CCDC92: variants seen among roughly 807,000 people sequenced by gnomAD.
CCDC92 encodes the protein coiled-coil domain-containing protein 92.
CCDC92 carries 12 observed loss-of-function variants against 24.9 expected under a neutral mutation model. That is an observed-to-expected ratio of 0.48 (90% confidence interval 0.31 to 0.78). CCDC92 has a LOEUF of 0.78. Among genes scored for constraint, CCDC92 ranks in the 30% least tolerant of loss-of-function variants. The pLI, the probability that CCDC92 is intolerant of heterozygous loss-of-function variation, is 0.05. For synonymous variants in CCDC92, 193 were observed against 196.3 expected, an observed-to-expected ratio of 0.98 and a Z score of 0.14; for missense variants, 399 against 439.4, an observed-to-expected ratio of 0.91 and a Z score of 0.82.
At position 123,967,329 on chromosome 12, in the gene CCDC92, A is replaced by G. The variant is rs547683340; in HGVS notation, c.-60+5200T>C. 5.3e-5 allele frequency among the ~76,000 whole-genome samples: 8 copies of G among 152,336 alleles called. No individual in the cohort carries two copies. In the East Asian group the frequency reaches 5.8e-4, roughly 11 times the overall value. On this transcript the variant is annotated intron_variant, in intron 1 of 4. Coordinates refer to ENST00000238156, the MANE Select transcript of CCDC92 (RefSeq NM_025140.3). ...CCTTGAAAATGACAGGCCAAACCTA[A>G]TAACTTCTGCTATGTTCTTATCTAT...
Position 123,937,932 on chromosome 12 carries a change from A to AGGCTGTGGGGGCCATGCAGAAGGCAG in CCDC92, c.224-128_224-103dup. The AGGCTGTGGGGGCCATGCAGAAGGCAG allele has an allele frequency of 8.2e-7, 1 of 1,216,778 alleles. No individual in the cohort carries two copies. The highest frequency in any genetic ancestry group is 2.3e-5 in the East Asian group (1 of 42,830). The allele number at this position is 1,216,778 out of a possible 1,614,324, so 75.4% of individuals were successfully genotyped here. A position where few individuals can be genotyped will look rare whatever the true frequency, so the allele number is the denominator to read the frequency against. Reference sequence around the variant, plus strand: ...GACCTGTCTGGTGGGGGCCCTGTCTAGGCTGTGGGGGCCATGCAGAAGGCA... The same window carrying AGGCTGTGGGGGCCATGCAGAAGGCAG: ...GACCTGTCTGGTGGGGGCCCTGTCTAGGCTGTGGGGGCCATGCAGAAGGCAGGGCTGTGGGGGCCATGCAGAAGGCA... On this transcript the variant is annotated intron_variant, in intron 4 of 4. Transcript: ENST00000238156. This position sits in a 1 kb window ranked among gnomAD's most constrained non-coding sequence, Gnocchi z 8.4.
At position 123,937,567 on chromosome 12, in the gene CCDC92, G is replaced by C; in HGVS notation, c.487C>G (p.His163Asp). The C allele has an allele frequency of 6.2e-7, 1 of 1,612,934 alleles. No homozygotes were observed. The highest frequency in any genetic ancestry group is 1.1e-5 in the South Asian group (1 of 91,068). Residue 163 changes from histidine to aspartate, a missense_variant, in exon 5 of 5, where the codon CAC becomes GAC. By Grantham distance (81) the His-to-Asp change is moderately conservative. Coordinates refer to ENST00000238156, the MANE Select transcript of CCDC92 (RefSeq NM_025140.3). The surrounding 1 kb of genome is among the most constrained non-coding windows in gnomAD (Gnocchi z 8.4). Reference protein sequence around the residue: ...STIAYLTSQLHAAKKKLMSSS... With the variant: ...STIAYLTSQLDAAKKKLMSSS... ...CTCATGAGCTTCTTCTTGGCGGCGTGCAGCTGGGAGGTCAGGTAGGCGATG... is the reference window on the plus strand; with the variant it reads ...CTCATGAGCTTCTTCTTGGCGGCGTCCAGCTGGGAGGTCAGGTAGGCGATG...
rs1227456683 is a variant in CCDC92 at position 123,937,605 on chromosome 12, T to A, written c.449A>T (p.Gln150Leu). The A allele has an allele frequency of 1.2e-6, 2 of 1,613,736 alleles. No individual in the cohort carries two copies. The highest frequency in any genetic ancestry group is 1.7e-6 in the Non-Finnish European group (2 of 1,180,020). ...CAGGTAGGCGATGGTGCTGGCCCGC[T>A]GCTCCAGCTCGCTAGACAGCAGGGT... ...KLTLLSSELE[Q>L]RASTIAYLTS... The change falls in exon 5 of 5, where the codon CAG (glutamine) becomes CTG (leucine). Residue 150 changes from glutamine to leucine, a missense_variant. By Grantham distance (113) the Gln-to-Leu change is moderately radical. Coordinates refer to ENST00000238156, the MANE Select transcript of CCDC92 (RefSeq NM_025140.3). This position sits in a 1 kb window ranked among gnomAD's most constrained non-coding sequence, Gnocchi z 8.4.
At chr12:123,942,382 G>C (rs144685840) in intron 4 of CCDC92, among the ~76,000 whole-genome samples, 6 of 152,344 alleles carry the variant, frequency 3.9e-5, no homozygotes, top group African/African-American at 1.4e-4. Context: ...GGGCGGTTCT[G>C]CCCAATGCTG....
intron 1 of CCDC92, among the ~76,000 whole-genome samples, chr12:123,961,867 C>T (rs1258296330): frequency 6.6e-6 from 1 of 152,178 alleles, no homozygotes; most frequent in Non-Finnish European, 1.5e-5. Context: ...TAAAGTCACA[C>T]CTAGTAAGTG....
rs550237057 is a variant in CCDC92, at chr12:123,937,213, G to A, written c.841C>T (p.Arg281Cys). 5.0e-6 allele frequency: 8 copies of A among 1,609,604 alleles called. No individual in the cohort carries two copies. The Admixed American group carries it at 5.0e-5, about 10-fold the overall frequency. The change falls in exon 5 of 5, where the codon CGC (arginine) becomes TGC (cysteine). Residue 281 changes from arginine to cysteine, a missense_variant. Coordinates refer to ENST00000238156, the MANE Select transcript of CCDC92 (RefSeq NM_025140.3). This position sits in a 1 kb window ranked among gnomAD's most constrained non-coding sequence, Gnocchi z 8.4. Reference sequence around the variant, plus strand: ...ACGTGGGCCTTGTGCGGCTTTTCGCGGGCCGGGCTGTGCTGCTCGCCGCTT... The same window carrying A: ...ACGTGGGCCTTGTGCGGCTTTTCGCAGGCCGGGCTGTGCTGCTCGCCGCTT... ...DRSGEQHSPAREKPHKAHVGV... is the reference protein window; with the variant it reads ...DRSGEQHSPACEKPHKAHVGV...
chr12:123,959,933 T>C (rs898268714), intron 1 of CCDC92, among the ~76,000 whole-genome samples: 1 of 152,352 alleles, frequency 6.6e-6, no homozygotes, highest in East Asian at 1.9e-4. Context: ...CAGGTTTCAT[T>C]TGCTCCCAGA....
At chr12:123,946,467 T>C (rs1423779326) in intron 1 of CCDC92, 1 of 152,554 alleles carries the variant, frequency 6.6e-6, no homozygotes, top group Non-Finnish European at 1.5e-5. Flanking sequence ...TCAGTACAAG[T>C]TTACTTCCTC....
At chr12:123,965,061 C>A (rs1956360036) in intron 1 of CCDC92, among the ~76,000 whole-genome samples, 1 of 152,092 alleles carries the variant, frequency 6.6e-6, no homozygotes, top group African/African-American at 2.4e-5. Flanking sequence ...TTTTTGAATA[C>A]TGGGTCTTTT....
At chr12:123,952,377 CAACT>C (rs1183297893) in intron 1 of CCDC92, among the ~76,000 whole-genome samples, 1 of 152,162 alleles carries the variant, frequency 6.6e-6, no homozygotes, top group Non-Finnish European at 1.5e-5. Flanking sequence ...CTGGGGGAGG[CAACT>C]AGAGAGGCAG....
At chr12:123,951,233 AAAGC>A (rs1223243492) in intron 1 of CCDC92, among the ~76,000 whole-genome samples, 2 of 152,184 alleles carry the variant, frequency 1.3e-5, no homozygotes, top group African/African-American at 4.8e-5. Context: ...CGTTCGTCAA[AAAGC>A]ACCTCAGCAG....
intron 1 of CCDC92, among the ~76,000 whole-genome samples, chr12:123,962,380 G>A (rs1956291196): frequency 6.6e-6 from 1 of 152,184 alleles, no homozygotes; most frequent in Non-Finnish European, 1.5e-5. Context: ...TTAAAATACA[G>A]CTTTGAACTT....
chr12:123,950,286 C>T (rs761345211), intron 1 of CCDC92, among the ~76,000 whole-genome samples: 1 of 152,078 alleles, frequency 6.6e-6, no homozygotes, highest in Non-Finnish European at 1.5e-5. Context: ...CCTTTTGGCC[C>T]GGAAGGGAAA....
chr12:123,937,020 A>T lies in CCDC92; in HGVS notation c.*38T>A. ...TGGCTGAGATTTCCCAGTGGTGCTC[A>T]CAGTGCATGGACAGCGCGGGGTGGG... On this transcript the variant is annotated 3_prime_UTR_variant, in exon 5 of 5. Coordinates refer to ENST00000238156, the MANE Select transcript of CCDC92 (RefSeq NM_025140.3). This position sits in a 1 kb window ranked among gnomAD's most constrained non-coding sequence, Gnocchi z 8.4. 6.2e-7 allele frequency: 1 copy of T among 1,608,178 alleles called. No individual in the cohort carries two copies. The highest frequency in any genetic ancestry group is 8.5e-7 in the Non-Finnish European group (1 of 1,177,542).
At chr12:123,947,158 C>T (rs1032362362) in intron 1 of CCDC92, among the ~76,000 whole-genome samples, 1 of 152,206 alleles carries the variant, frequency 6.6e-6, no homozygotes, top group Non-Finnish European at 1.5e-5. Flanking sequence ...CCCACCAGCG[C>T]TGCACTCAAT....
chr12:123,964,391 G>C (rs1956343649), intron 1 of CCDC92, among the ~76,000 whole-genome samples: 1 of 149,536 alleles, frequency 6.7e-6, no homozygotes, highest in Non-Finnish European at 1.5e-5. Context: ...GGGTATAAGA[G>C]AAGGTTATGT....
Position 123,937,218 on chromosome 12 carries a change from G to A in CCDC92, c.836C>T (p.Pro279Leu), listed in dbSNP as rs140865573. 15 of 1,609,668 alleles carry A rather than the reference G, an allele frequency of 9.3e-6. No individual in the cohort carries two copies. Among genetic ancestry groups the A allele is most frequent in the African/African-American group, 6.7e-5 (5 of 74,884 alleles). Residue 279 changes from proline (P) to leucine (L), a missense_variant, in exon 5 of 5, where the codon CCG becomes CTG. Coordinates refer to ENST00000238156, the MANE Select transcript of CCDC92 (RefSeq NM_025140.3). This position sits in a 1 kb window ranked among gnomAD's most constrained non-coding sequence, Gnocchi z 8.4. ...GGCCTTGTGCGGCTTTTCGCGGGCC[G>A]GGCTGTGCTGCTCGCCGCTTCGGTC... ...ASDRSGEQHS[P>L]AREKPHKAHV...
intron 1 of CCDC92, among the ~76,000 whole-genome samples, chr12:123,960,375 A>G (rs559660840): frequency 2.0e-5 from 3 of 152,354 alleles, no homozygotes; most frequent in African/African-American, 4.8e-5. Context: ...AGAGTAAAAA[A>G]TTATCAAGCC....
chr12:123,946,025 C>CCCCGCCATCCATTTCCAGTCCTTGA, intron 1 of CCDC92: 1 of 156,780 alleles, frequency 6.4e-6, no homozygotes, highest in Admixed American at 6.6e-5. Context: ...TGCTGGCATC[C>CCCCGCCATCCATTTCCAGTCCTTGA]TGCTTTGAAA....
Sources: allele counts gnomAD v4.1 joint callset (sites outside exome capture counted in the v4.1 genomes callset), GRCh38; gene constraint gnomAD v4.1.1; non-coding constraint Gnocchi (gnomAD v3.1); transcripts MANE v1.5; gene names NCBI Gene and HGNC (gene_info 2026-07-23, HGNC 2026-07-21).